The following CACNA1C variants were observed in gnomAD, a reference collection of about 807,000 sequenced individuals.
CACNA1C encodes voltage-dependent L-type calcium channel subunit alpha-1C.
In CACNA1C, 30 loss-of-function variants were observed where a neutral mutation model predicts 229.0. The observed-to-expected ratio is 0.13, with a 90% CI of 0.10 to 0.18. The LOEUF is 0.18. CACNA1C is among the 10% of genes least tolerant of loss of function. CACNA1C has a pLI of 1.00. For missense variants in CACNA1C, 1,658 were observed against 2,845.0 expected (o/e 0.58, Z 9.49); for synonymous variants, 1,114 against 1,132.5 (o/e 0.98, Z 0.33).
intron 29 of CACNA1C, among the ~76,000 whole-genome samples, chr12:2,624,318 C>T (rs2085077422): frequency 6.6e-6 from 1 of 152,136 alleles, no homozygotes; most frequent in Admixed American, 6.5e-5. Context: ...GGGTTCTGCC[C>T]AGTGAAGGAG....
At chr12:2,561,032 C>T (rs150638486) in intron 11 of CACNA1C, among the ~76,000 whole-genome samples, 3 of 152,160 alleles carry the variant, frequency 2.0e-5, no homozygotes, top group Non-Finnish European at 4.4e-5. Context: ...ACAAGAGCTC[C>T]GGGAATCTTC....
At chr12:2,074,014 G>A (rs1484929263) in intron 1 of CACNA1C, among the ~76,000 whole-genome samples, 1 of 152,110 alleles carries the variant, frequency 6.6e-6, no homozygotes, top group Non-Finnish European at 1.5e-5. Context: ...GAAGGTAAGC[G>A]GCACCACTGC....
At chr12:2,450,954 C>T (rs1294901768) in intron 4 of CACNA1C, among the ~76,000 whole-genome samples, 1 of 152,182 alleles carries the variant, frequency 6.6e-6, no homozygotes, top group Non-Finnish European at 1.5e-5. Context: ...CAAGTTATTT[C>T]CTTGTCTCTG....
At chr12:2,309,540 A>G (rs755901348) in intron 3 of CACNA1C, among the ~76,000 whole-genome samples, 1 of 152,052 alleles carries the variant, frequency 6.6e-6, no homozygotes, top group Non-Finnish European at 1.5e-5. Flanking sequence ...ATTCAGCTCT[A>G]TTGTGGTAAT....
Position 2,053,260 on chromosome 12 carries a change from A to G in CACNA1C, c.-303A>G. The G allele has an allele frequency of 9.3e-7, 1 of 1,075,338 alleles. No individual in the cohort carries two copies. Among genetic ancestry groups the G allele is most frequent in the African/African-American group, 1.7e-5 (1 of 59,986 alleles). The allele number at this position is 1,075,338 out of a possible 1,614,324, so 66.6% of individuals were successfully genotyped here. On this transcript the variant is annotated 5_prime_UTR_variant, in exon 1 of 47. Coordinates refer to ENST00000399655, the MANE Select transcript of CACNA1C (RefSeq NM_000719.7). This position sits in a 1 kb window ranked among gnomAD's most constrained non-coding sequence, Gnocchi z 5.8. ...CCTGCCTCTCCCGATTTATTTTTTC[A>G]AATGGTGTAGCCGCCGGAGGTGCGG...
chr12:2,379,771 C>G (rs1015849024), intron 3 of CACNA1C, among the ~76,000 whole-genome samples: 4 of 152,036 alleles, frequency 2.6e-5, no homozygotes, highest in African/African-American at 9.7e-5. Flanking sequence ...GTGGCTCACG[C>G]CTGTAATCCC....
intron 30 of CACNA1C, among the ~76,000 whole-genome samples, chr12:2,640,622 G>C (rs746611716): frequency 1.3e-5 from 2 of 152,222 alleles, no homozygotes; most frequent in African/African-American, 2.4e-5. Flanking sequence ...GCCAGAAGGA[G>C]CAAGCAGCGA....
intron 3 of CACNA1C, among the ~76,000 whole-genome samples, chr12:2,255,094 GGTAC>G (rs2076903411): frequency 2.6e-5 from 4 of 152,194 alleles, no homozygotes; most frequent in Admixed American, 2.6e-4. Flanking sequence ...GTAGAGCTTG[GGTAC>G]CCTCCCTGGC....
chr12:2,492,944 T>C (rs2099739236), intron 6 of CACNA1C, among the ~76,000 whole-genome samples: 2 of 152,214 alleles, frequency 1.3e-5, no homozygotes, highest in South Asian at 4.1e-4. Flanking sequence ...AATACAGCTT[T>C]TACAACAGTG....
rs150253871 is a variant in CACNA1C, at chr12:2,410,698, C to CTG, written c.478-38263_478-38262dup. 6.6e-3 allele frequency among the ~76,000 whole-genome samples: 863 copies of CTG among 131,176 alleles called. 17 individuals are homozygous for CTG. Among genetic ancestry groups the CTG allele is most frequent in the Middle Eastern group, 0.024 (5 of 206 alleles). 86.1% of individuals were successfully genotyped at this position (131,176 alleles called of 152,430 possible). ...GACTCTAGCTGTGAGGATGGCTCGC[C>CTG]TGTGTGTGTGTGTGTGCGTGCACGC... is the stretch of plus-strand genomic sequence containing the variant. On this transcript the variant is annotated intron_variant, in intron 3 of 46. Transcript: ENST00000399655. This position sits in a 1 kb window ranked among gnomAD's most constrained non-coding sequence, Gnocchi z 5.3.
chr12:2,082,890 A>G (rs575979927), intron 1 of CACNA1C, among the ~76,000 whole-genome samples: 1 of 152,180 alleles, frequency 6.6e-6, no homozygotes, highest in Non-Finnish European at 1.5e-5. Context: ...ATATGCACAC[A>G]CATATGTGTA....
intron 13 of CACNA1C, among the ~76,000 whole-genome samples, chr12:2,572,426 T>C (rs2055626188): frequency 1.2e-5 from 1 of 80,960 alleles, no homozygotes; most frequent in African/African-American, 5.2e-5. Context: ...TTCCTCCTCC[T>C]CTTCCTCTTC....
At chr12:2,374,719 G>A (rs540743763) in intron 3 of CACNA1C, among the ~76,000 whole-genome samples, 3 of 152,222 alleles carry the variant, frequency 2.0e-5, no homozygotes, top group Non-Finnish European at 4.4e-5. Context: ...ACTAATAGTA[G>A]GTGATAACCA....
chr12:2,588,771 G>A (rs1178820746), intron 18 of CACNA1C, among the ~76,000 whole-genome samples: 2 of 152,216 alleles, frequency 1.3e-5, no homozygotes, highest in Non-Finnish European at 2.9e-5. Flanking sequence ...CAGATGAGTG[G>A]AAGCTAATTC....
intron 1 of CACNA1C, among the ~76,000 whole-genome samples, chr12:2,106,561 G>A (rs1479551866): frequency 2.5e-5 from 3 of 119,788 alleles, no homozygotes; most frequent in African/African-American, 9.4e-5. Flanking sequence ...TTCCACCTCA[G>A]CTGGGCATCC....
intron 3 of CACNA1C, among the ~76,000 whole-genome samples, chr12:2,416,031 G>T (rs1025304802): frequency 6.6e-6 from 1 of 152,130 alleles, no homozygotes; most frequent in Admixed American, 6.5e-5. Flanking sequence ...AGGTGAGGGT[G>T]TGGGGGCGGG....
chr12:2,577,015 A>T (rs902784654), intron 13 of CACNA1C, among the ~76,000 whole-genome samples: 14 of 152,216 alleles, frequency 9.2e-5, no homozygotes, highest in African/African-American at 2.9e-4. Context: ...CTGCTCAGCA[A>T]GCTGAGCACC....
In CACNA1C at chr12:2,643,124, G is replaced by A. The variant is rs137898932; in HGVS notation, c.3913-5351G>A. 2.9e-4 allele frequency among the ~76,000 whole-genome samples: 44 copies of A among 152,344 alleles called. No individual in the cohort carries two copies. In the East Asian group the frequency reaches 7.7e-3, roughly 27 times the overall value. On this transcript the variant is annotated intron_variant, in intron 30 of 46. Coordinates refer to ENST00000399655, the MANE Select transcript of CACNA1C (RefSeq NM_000719.7). Reference sequence around the variant, plus strand: ...CCCTTGGGGCCAAAGACCCCTCGAGGGGAGTTCTGAAGGGGCATTTCAACT... The same window carrying A: ...CCCTTGGGGCCAAAGACCCCTCGAGAGGAGTTCTGAAGGGGCATTTCAACT...
At chr12:2,217,677 T>C (rs1050676513) in intron 3 of CACNA1C, 2 of 152,178 alleles carry the variant, frequency 1.3e-5, no homozygotes, top group African/African-American at 4.8e-5. Flanking sequence ...TTGACAGAGA[T>C]GGTTCCATCT....
Sources: gnomAD v4.1 joint callset for allele counts (sites outside exome capture counted in the v4.1 genomes callset) on GRCh38, gnomAD v4.1.1 for gene constraint, Gnocchi (gnomAD v3.1) non-coding constraint, MANE v1.5 for transcripts, NCBI Gene and HGNC (gene_info 2026-07-23, HGNC 2026-07-21) for gene names.